Variants in CEP131 observed in about 807,000 individuals in gnomAD.
CEP131 encodes centrosomal protein of 131 kDa.
CEP131 carries 99 observed loss-of-function variants against 136.8 expected under a neutral mutation model. That is an observed-to-expected ratio of 0.72 (90% CI 0.62 to 0.86). The LOEUF (loss-of-function observed/expected upper bound fraction) is 0.86. CEP131 is among the 40% of genes least tolerant of loss of function. The pLI, the probability that CEP131 is intolerant of heterozygous loss-of-function variation, is 0.00. For missense variants in CEP131, 1,459 were observed against 1,463.0 expected (o/e 1.00, Z 0.04); for synonymous variants, 646 against 612.7 (o/e 1.05, Z -0.80).
intron 1 of CEP131, among the ~76,000 whole-genome samples, chr17:81,222,377 G>A (rs1447499974): frequency 2.6e-5 from 4 of 152,200 alleles, no homozygotes; most frequent in Non-Finnish European, 4.4e-5. Context: ...TGTCCTCAGG[G>A]CAGCTCCCAT....
rs754819828 is a variant in CEP131, at chr17:81,207,247, C to T, written c.273-8G>A. 15 of 1,611,536 alleles carry T rather than the reference C, an allele frequency of 9.3e-6. No homozygotes were observed. The highest frequency in any genetic ancestry group is 4.4e-5 in the South Asian group (4 of 91,018). On this transcript the variant is annotated splice_polypyrimidine_tract_variant and splice_region_variant and intron_variant, in intron 3 of 25. Transcript: ENST00000450824. ...TCTGTGGGCTCCGTTGGCCTGCATC[C>T]GAGAGAGGGCGGCACACAAGGAAAG...
chr17:81,193,042 T>C (rs893279766), intron 18 of CEP131, among the ~76,000 whole-genome samples, 199 bp from the exon 19 acceptor site: 4 of 152,228 alleles, frequency 2.6e-5, no homozygotes, highest in Non-Finnish European at 5.9e-5. Context: ...AACTTGCCCA[T>C]CAGCCAAGCG....
chr17:81,194,759 C>T lies in CEP131; in HGVS notation c.2119+111G>A, dbSNP rs903893261. 1.5e-4 allele frequency: 136 copies of T among 927,074 alleles called. No individual in the cohort carries two copies. In the African/African-American group the frequency reaches 2.1e-3, roughly 14 times the overall value. 57.4% of individuals were successfully genotyped at this position (927,074 alleles called of 1,614,324 possible). A position where few individuals can be genotyped will look rare whatever the true frequency, so the allele number is the denominator to read the frequency against. On this transcript the variant is annotated intron_variant, in intron 17 of 25. Transcript: ENST00000450824. ...TTGGGGCATGAGTGTTCACCTCTGCCCAGGAAGGTCTCGGACTACATGAAT... is the reference window on the plus strand; with the variant it reads ...TTGGGGCATGAGTGTTCACCTCTGCTCAGGAAGGTCTCGGACTACATGAAT...
chr17:81,198,671 T>C (rs1376292967), intron 11 of CEP131, among the ~76,000 whole-genome samples: 1 of 152,132 alleles, frequency 6.6e-6, no homozygotes, highest in South Asian at 2.1e-4. Context: ...AAAACCCAAC[T>C]GGATCCACCC....
intron 17 of CEP131, 42 bp downstream of exon 17, chr17:81,194,828 C>A: frequency 6.5e-7 from 1 of 1,527,216 alleles, no homozygotes; most frequent in East Asian, 2.2e-5. Flanking sequence ...GGCCGCAGCA[C>A]CCACCCCACA....
chr17:81,200,828 G>A (rs1260249980), intron 7 of CEP131, among the ~76,000 whole-genome samples: 1 of 152,232 alleles, frequency 6.6e-6, no homozygotes, highest in Non-Finnish European at 1.5e-5. Flanking sequence ...TCAGGCCAGT[G>A]CAGACCACAG....
In CEP131 at chr17:81,197,804, T is replaced by C. The variant is rs1244651561; in HGVS notation, c.1555A>G (p.Thr519Ala). 1.2e-6 allele frequency: 2 copies of C among 1,613,306 alleles called. No individual in the cohort carries two copies. Among genetic ancestry groups the C allele is most frequent in the Admixed American group, 3.3e-5 (2 of 60,012 alleles). Reference protein sequence around the residue: ...SAFPEPPEDGTLLSEAKLQSI... With the variant: ...SAFPEPPEDGALLSEAKLQSI... Reference sequence around the variant, plus strand: ...TGTAGCTTGGCCTCCGATAGCAGCGTCCCATCCTCAGGAGGTTCGGGGAAC... The same window carrying C: ...TGTAGCTTGGCCTCCGATAGCAGCGCCCCATCCTCAGGAGGTTCGGGGAAC... The change falls in exon 13 of 26, where the codon ACG becomes GCG. Residue 519 changes from threonine (T) to alanine (A), a missense_variant. Around this residue, in one of 3 missense-constraint regions of CEP131, gnomAD observed 1,026 missense variants for 964.2 expected, o/e 1.06. Coordinates refer to ENST00000450824, the MANE Select transcript of CEP131 (RefSeq NM_014984.4).
intron 1 of CEP131, among the ~76,000 whole-genome samples, chr17:81,220,731 C>T (rs1400653381): frequency 6.6e-6 from 1 of 151,976 alleles, no homozygotes; most frequent in South Asian, 2.1e-4. Context: ...GAACTCCTGA[C>T]CTCAGGTGAT....
rs186597148 is a variant in CEP131, at chr17:81,207,130, C to T, written c.382G>A (p.Val128Ile). Residue 128 changes from valine to isoleucine, a missense_variant, in exon 4 of 26, where the codon GTC becomes ATC. By Grantham distance (29) the Val-to-Ile change is conservative. This residue lies in a region of CEP131 where 187 missense variants were observed against 179.9 expected (regional missense o/e 1.04). Transcript: ENST00000450824. ...GGCCGCATGCACCACCTTACCAGGA[C>T]GTTCCAGGTGGCTCCCTTCTCGCTG... ...APSEKGATWN[V>I]LDDQPRGFTL... is the part of the protein sequence containing the mutation. 14 of 1,612,008 alleles carry T rather than the reference C, an allele frequency of 8.7e-6. No individual in the cohort carries two copies. The East Asian group carries it at 1.3e-4, about 15-fold the overall frequency.
chr17:81,221,876 C>A (rs974798385), intron 1 of CEP131, among the ~76,000 whole-genome samples: 32 of 152,192 alleles, frequency 2.1e-4, no homozygotes, highest in African/African-American at 7.7e-4. Flanking sequence ...AGGCACCCAG[C>A]CTATCGCCCA....
chr17:81,189,816 C>T lies in CEP131; in HGVS notation c.3196G>A (p.Glu1066Lys). 2 of 1,611,704 alleles carry T rather than the reference C, an allele frequency of 1.2e-6. No individual in the cohort carries two copies. Among genetic ancestry groups the T allele is most frequent in the Non-Finnish European group, 1.7e-6 (2 of 1,179,382 alleles). The change falls in exon 26 of 26, where the codon GAG becomes AAG. Residue 1066 changes from glutamate (E) to lysine (K), a missense_variant. Glu to Lys is a moderately conservative substitution (Grantham distance 56, BLOSUM62 1). Transcript: ENST00000450824. ...EAAVKRADHL[E>K]ELLEQHRRPT... Reference sequence around the variant, plus strand: ...CTCCTGTGCTGCTCCAGCAGCTCCTCCAGGTGGTCGGCCCGCTTCACCGCA... The same window carrying T: ...CTCCTGTGCTGCTCCAGCAGCTCCTTCAGGTGGTCGGCCCGCTTCACCGCA...
intron 24 of CEP131, 66 bp from the exon 25 acceptor site, chr17:81,190,041 G>A (rs2061604695): frequency 7.0e-7 from 1 of 1,427,762 alleles, no homozygotes; most frequent in Non-Finnish European, 9.5e-7. Flanking sequence ...GGCCTGCAGT[G>A]CACAGGGTGC....
In CEP131 at chr17:81,189,608, G is replaced by C; in HGVS notation, c.*161C>G. 1.4e-6 allele frequency: 1 copy of C among 718,974 alleles called. No individual in the cohort carries two copies. The allele number at this position is 718,974 out of a possible 1,614,324, so 44.5% of individuals were successfully genotyped here. A position where few individuals can be genotyped will look rare whatever the true frequency, so the allele number is the denominator to read the frequency against. ...GTCACTCAAGGCGCTGAAAACAACGGCCTCCTTTACTGTTAAAATGCAGCC... is the reference window on the plus strand; with the variant it reads ...GTCACTCAAGGCGCTGAAAACAACGCCCTCCTTTACTGTTAAAATGCAGCC... On this transcript the variant is annotated 3_prime_UTR_variant, in exon 26 of 26. Coordinates refer to ENST00000450824, the MANE Select transcript of CEP131 (RefSeq NM_014984.4).
chr17:81,218,945 G>A (rs1341024155), intron 2 of CEP131, among the ~76,000 whole-genome samples: 7 of 152,340 alleles, frequency 4.6e-5, no homozygotes, highest in South Asian at 4.1e-4. Flanking sequence ...GCCCCAGACC[G>A]GCTGCCGCAT....
At position 81,219,105 on chromosome 17, in the gene CEP131, C is replaced by T. The variant is rs1360881764; in HGVS notation, c.177+775G>A. The stretch of plus-strand genomic sequence containing the variant: ...CCAACTCAGGGTGCAGCAGGCCCGG[C>T]CTGCCTTTCACAGCCCCCATCTGGG... On this transcript the variant is annotated intron_variant, in intron 2 of 25. Transcript: ENST00000450824. The surrounding 1 kb of genome is among the most constrained non-coding windows in gnomAD (Gnocchi z 4.0). Among the ~76,000 whole-genome samples, 10 of 152,276 alleles carry T rather than the reference C, an allele frequency of 6.6e-5. No homozygotes were observed. In the East Asian group the frequency reaches 1.9e-3, roughly 30 times the overall value.
rs2062323239 is a variant in CEP131 at position 81,219,025 on chromosome 17, C to G, written c.177+855G>C. 6.6e-6 allele frequency among the ~76,000 whole-genome samples: 1 copy of G among 152,222 alleles called. No individual in the cohort carries two copies. The highest frequency in any genetic ancestry group is 1.5e-5 in the Non-Finnish European group (1 of 68,034). Reference sequence around the variant, plus strand: ...AGACTCTGGTCAGGCTCTGCCCCAACCCCCACAGAGCGGCTCGATTCCTCC... The same window carrying G: ...AGACTCTGGTCAGGCTCTGCCCCAAGCCCCACAGAGCGGCTCGATTCCTCC... On this transcript the variant is annotated intron_variant, in intron 2 of 25. Transcript: ENST00000450824. The surrounding 1 kb of genome is among the most constrained non-coding windows in gnomAD (Gnocchi z 4.0).
In CEP131 at chr17:81,191,100, G is replaced by A; in HGVS notation, c.2766-16C>T. 3 of 1,599,522 alleles carry A rather than the reference G, an allele frequency of 1.9e-6. No individual in the cohort carries two copies. Among genetic ancestry groups the A allele is most frequent in the Non-Finnish European group, 2.6e-6 (3 of 1,171,794 alleles). ...GCGCTTGATGCTGGAGGTGGGGGGAGGGCAGGGTCACTCCAGCCCAGTCAC... is the reference window on the plus strand; with the variant it reads ...GCGCTTGATGCTGGAGGTGGGGGGAAGGCAGGGTCACTCCAGCCCAGTCAC... On this transcript the variant is annotated splice_polypyrimidine_tract_variant and intron_variant, in intron 22 of 25. Transcript: ENST00000450824.
intron 6 of CEP131, 126 bp from the exon 7 acceptor site, chr17:81,202,524 C>T: frequency 1.0e-5 from 12 of 1,190,624 alleles, no homozygotes; most frequent in Non-Finnish European, 1.4e-5. Context: ...AGGCTGGCAG[C>T]CGGGGCAGAG....
intron 1 of CEP131, 123 bp downstream of exon 1, chr17:81,222,646 C>T (rs1197015567): frequency 6.6e-6 from 1 of 152,234 alleles, no homozygotes; most frequent in Non-Finnish European, 1.5e-5. Flanking sequence ...CCCCACTCAC[C>T]TGTGCGTGCC....
Sources: gnomAD v4.1 joint callset for allele counts (sites outside exome capture counted in the v4.1 genomes callset) on GRCh38, gnomAD v4.1.1 for gene constraint, gnomAD v4.1.1 regional missense constraint, Gnocchi (gnomAD v3.1) non-coding constraint, MANE v1.5 for transcripts, NCBI Gene and HGNC (gene_info 2026-07-23, HGNC 2026-07-21) for gene names.